Variants in ERBB4 observed in about 807,000 individuals in gnomAD.
ERBB4 encodes receptor tyrosine-protein kinase erbB-4.
In ERBB4, 42 loss-of-function variants were observed where a neutral mutation model predicts 158.0. The observed-to-expected ratio is 0.27, with a 90% confidence interval of 0.21 to 0.34. The LOEUF (loss-of-function observed/expected upper bound fraction) is 0.34, where lower values mean the gene tolerates loss of function less well. Among genes scored for constraint, ERBB4 ranks in the 10% least tolerant of loss-of-function variants. The pLI is 1.00. For synonymous variants in ERBB4, 583 were observed against 558.7 expected, an observed-to-expected ratio of 1.04 and a Z score of -0.61; for missense variants, 1,333 against 1,624.1, an observed-to-expected ratio of 0.82 and a Z score of 3.08.
rs373099313 is a variant in ERBB4, at chr2:212,173,357, C to A, written c.83-48454G>T. Among the ~76,000 whole-genome samples, 5 of 152,192 alleles carry A rather than the reference C, an allele frequency of 3.3e-5. No individual in the cohort carries two copies. The East Asian group carries it at 7.8e-4, about 24-fold the overall frequency. On this transcript the variant is annotated intron_variant, in intron 1 of 27. Coordinates refer to ENST00000342788, the MANE Select transcript of ERBB4 (RefSeq NM_005235.3). ...TACAACAGAAACAGAAAGAAGTAAG[C>A]CCTGCAGCTAGGGAAGAGTACCCCA...
chr2:211,732,376 A>G (rs2074451484), intron 5 of ERBB4, among the ~76,000 whole-genome samples: 1 of 150,220 alleles, frequency 6.7e-6, no homozygotes, highest in South Asian at 2.1e-4. Context: ...AAAAAATTAG[A>G]CCTAGCAAAA....
chr2:212,487,049 AAT>A (rs1349697613), intron 1 of ERBB4, among the ~76,000 whole-genome samples: 1 of 152,096 alleles, frequency 6.6e-6, no homozygotes, highest in Non-Finnish European at 1.5e-5. Context: ...GTTTGTGAAA[AAT>A]ATCTCTTAAG....
intron 1 of ERBB4, among the ~76,000 whole-genome samples, chr2:212,143,252 A>C (rs1357394487): frequency 6.6e-6 from 1 of 152,128 alleles, no homozygotes; most frequent in East Asian, 1.9e-4. Context: ...AAATATATTC[A>C]CACCTGGAGT....
At chr2:211,804,421 G>A (rs2076567380) in intron 3 of ERBB4, among the ~76,000 whole-genome samples, 1 of 152,134 alleles carries the variant, frequency 6.6e-6, no homozygotes, top group Non-Finnish European at 1.5e-5. Context: ...TCATAATGCT[G>A]AATGGTCTTC....
At chr2:211,872,228 T>G (rs984425580) in intron 3 of ERBB4, among the ~76,000 whole-genome samples, 2 of 152,242 alleles carry the variant, frequency 1.3e-5, no homozygotes, top group African/African-American at 4.8e-5. Context: ...GATCTTGTTA[T>G]AATTCATGCT....
intron 16 of ERBB4, among the ~76,000 whole-genome samples, chr2:211,650,609 A>G (rs1445730343): frequency 1.3e-5 from 2 of 152,130 alleles, no homozygotes; most frequent in Admixed American, 1.3e-4. Context: ...TCCCTCTACT[A>G]TTCTTATTTT....
intron 1 of ERBB4, among the ~76,000 whole-genome samples, chr2:212,418,002 G>T (rs1486479763): frequency 6.6e-6 from 1 of 151,492 alleles, no homozygotes; most frequent in African/African-American, 2.4e-5. Context: ...AGGCACCAGA[G>T]CTTCCCTGTA....
At chr2:212,234,575 T>A (rs1385391295) in intron 1 of ERBB4, among the ~76,000 whole-genome samples, 3 of 152,200 alleles carry the variant, frequency 2.0e-5, no homozygotes, top group Admixed American at 6.6e-5. Context: ...TCCAAAATGG[T>A]TGAACTAATT....
At chr2:212,395,017 A>G (rs924129211) in intron 1 of ERBB4, among the ~76,000 whole-genome samples, 1 of 152,152 alleles carries the variant, frequency 6.6e-6, no homozygotes, top group Non-Finnish European at 1.5e-5. Context: ...AGTAAAACAT[A>G]AAACTTTCAC....
intron 4 of ERBB4, among the ~76,000 whole-genome samples, chr2:211,763,897 T>TACAC (rs58206154): frequency 6.0e-5 from 9 of 149,968 alleles, no homozygotes; most frequent in Admixed American, 6.7e-5. Flanking sequence ...TGCGTGTGTA[T>TACAC]ACACACACAC....
chr2:212,171,322 T>C (rs2081511062), intron 1 of ERBB4, among the ~76,000 whole-genome samples: 1 of 86,992 alleles, frequency 1.1e-5, no homozygotes, highest in Non-Finnish European at 2.6e-5. Context: ...AGTAACTAAC[T>C]TGTTTTTTTT....
chr2:211,557,203 G>T (rs978518964), intron 20 of ERBB4, among the ~76,000 whole-genome samples: 1 of 151,986 alleles, frequency 6.6e-6, no homozygotes, highest in African/African-American at 2.4e-5. Flanking sequence ...ACATAGGCAT[G>T]GACAAAGATT....
chr2:211,773,635 T>TATAATATATATATATATATATA (rs1553630530), intron 4 of ERBB4, among the ~76,000 whole-genome samples: 2 of 101,108 alleles, frequency 2.0e-5, no homozygotes, highest in African/African-American at 7.9e-5. Flanking sequence ...TATATATATA[T>TATAATATATATATATATATATA]ATATATATAT....
intron 1 of ERBB4, among the ~76,000 whole-genome samples, chr2:212,334,986 GA>G (rs1296824359): frequency 9.9e-5 from 15 of 151,894 alleles, no homozygotes; most frequent in African/African-American, 9.6e-5. Flanking sequence ...ATAAATTCTT[GA>G]AAAAAATATA....
At chr2:212,012,106 T>C (rs184336944) in intron 2 of ERBB4, among the ~76,000 whole-genome samples, 2 of 152,326 alleles carry the variant, frequency 1.3e-5, no homozygotes, top group African/African-American at 4.8e-5. Flanking sequence ...TTGATATGTT[T>C]TAATTCATTG....
rs527823775 is a variant in ERBB4 at position 211,869,645 on chromosome 2, A to C, written c.421+77785T>G. On this transcript the variant is annotated intron_variant, in intron 3 of 27. Coordinates refer to ENST00000342788, the MANE Select transcript of ERBB4 (RefSeq NM_005235.3). ...ATGTTTATTGAACTAAGTTAGGAAAAAAATAATGCAAAAATTAAATTACAT... is the reference window on the plus strand; with the variant it reads ...ATGTTTATTGAACTAAGTTAGGAAACAAATAATGCAAAAATTAAATTACAT... Among the ~76,000 whole-genome samples, 11 of 152,310 alleles carry C rather than the reference A, an allele frequency of 7.2e-5. 1 individual carries two copies. The South Asian group carries it at 2.3e-3, about 32-fold the overall frequency.
chr2:211,642,138 G>C (rs2070619250), intron 16 of ERBB4, among the ~76,000 whole-genome samples: 1 of 152,022 alleles, frequency 6.6e-6, no homozygotes, highest in South Asian at 2.1e-4. Flanking sequence ...CTCTTAAACA[G>C]TTTGTCTAAA....
At chr2:212,164,696 C>CTT (rs11386428) in intron 1 of ERBB4, among the ~76,000 whole-genome samples, 36 of 151,762 alleles carry the variant, frequency 2.4e-4, no homozygotes, top group African/African-American at 8.7e-4. Flanking sequence ...TAAATAATCC[C>CTT]TTTTTTCTTT....
chr2:212,111,322 T>C (rs562381941), intron 2 of ERBB4, among the ~76,000 whole-genome samples: 3 of 152,356 alleles, frequency 2.0e-5, no homozygotes, highest in African/African-American at 4.8e-5. Flanking sequence ...AACTAATTCC[T>C]TGGAGTTTGA....
Sources: allele counts gnomAD v4.1 joint callset (sites outside exome capture counted in the v4.1 genomes callset), GRCh38; gene constraint gnomAD v4.1.1; transcripts MANE v1.5; gene names NCBI Gene and HGNC (gene_info 2026-07-23, HGNC 2026-07-21).